Variants in ADGRV1 observed in about 807,000 individuals in gnomAD.
The protein encoded by ADGRV1 is G-protein coupled receptor 98.
In ADGRV1, 359 loss-of-function variants were observed where a neutral mutation model predicts 596.2. The observed-to-expected ratio is 0.60, with a 90% CI of 0.55 to 0.66. The LOEUF (loss-of-function observed/expected upper bound fraction) is 0.66, where lower values mean the gene tolerates loss of function less well. ADGRV1 is among the 30% of genes least tolerant of loss of function. The pLI, the probability that ADGRV1 is intolerant of heterozygous loss-of-function variation, is 0.00. For synonymous variants in ADGRV1, 2,681 were observed against 2,679.2 expected (o/e 1.00, Z -0.02); for missense variants, 7,274 against 7,575.6 (o/e 0.96, Z 1.48).
At chr5:90,778,403 T>C (rs756735085) in intron 62 of ADGRV1, 24 bp from the exon 63 acceptor site, 2 of 1,603,796 alleles carry the variant, frequency 1.2e-6, no homozygotes, top group Non-Finnish European at 1.7e-6. Context: ...ATTCTACTGT[T>C]GATGACTCTT....
chr5:90,895,918 C>T (rs1366990269), intron 83 of ADGRV1, among the ~76,000 whole-genome samples: 1 of 151,496 alleles, frequency 6.6e-6, no homozygotes, highest in African/African-American at 2.4e-5. Flanking sequence ...GAACAGTTGG[C>T]CTGAAAGTTG....
At chr5:90,794,260 A>G (rs935026210) in intron 70 of ADGRV1, among the ~76,000 whole-genome samples, 1 of 152,166 alleles carries the variant, frequency 6.6e-6, no homozygotes, top group Non-Finnish European at 1.5e-5. Context: ...CTAAGAACAA[A>G]AGAGTCTTGA....
rs1490980030 is a variant in ADGRV1 at position 90,965,435 on chromosome 5, A to T, written c.17877A>T (p.Ala5959=). 1 of 1,612,252 alleles carries T rather than the reference A, an allele frequency of 6.2e-7. No individual in the cohort carries two copies. The highest frequency in any genetic ancestry group is 8.5e-7 in the Non-Finnish European group (1 of 1,178,296). The change falls in exon 84 of 90, where the codon GCA becomes GCT. Residue 5959 remains alanine, a synonymous_variant. Coordinates refer to ENST00000405460, the MANE Select transcript of ADGRV1 (RefSeq NM_032119.4). ...LGTQILFLAS[A]YASPQLAEES... ...TACAGATTCTGTTTCTGGCGTCTGC[A>T]TACGCAAGTCCCCAACTCGCTGAGG...
intron 52 of ADGRV1, among the ~76,000 whole-genome samples, chr5:90,750,296 A>G (rs985644861): frequency 6.6e-6 from 1 of 152,246 alleles, no homozygotes; most frequent in Non-Finnish European, 1.5e-5. Context: ...TGAAAAATAT[A>G]GAAACAGAAA....
intron 74 of ADGRV1, among the ~76,000 whole-genome samples, chr5:90,812,847 G>A (rs910662355): frequency 6.6e-6 from 1 of 151,604 alleles, no homozygotes. Context: ...AAATTAATTT[G>A]GTAGCTGGGC....
intron 87 of ADGRV1, among the ~76,000 whole-genome samples, chr5:91,133,703 C>A (rs1456286424): frequency 6.6e-6 from 1 of 152,184 alleles, no homozygotes; most frequent in East Asian, 1.9e-4. Context: ...AATCACCTTT[C>A]CTCTTTCATG....
chr5:91,075,582 T>C (rs1337577803), intron 86 of ADGRV1, among the ~76,000 whole-genome samples: 5 of 152,188 alleles, frequency 3.3e-5, no homozygotes, highest in African/African-American at 9.7e-5. Context: ...TGCCCTATTG[T>C]TGTGTTACAA....
chr5:91,004,265 C>A (rs528714808), intron 85 of ADGRV1, among the ~76,000 whole-genome samples: 2 of 151,990 alleles, frequency 1.3e-5, no homozygotes, highest in Non-Finnish European at 2.9e-5. Flanking sequence ...ATGAGAGAAC[C>A]TGATGAACTG....
intron 86 of ADGRV1, among the ~76,000 whole-genome samples, chr5:91,093,915 G>A (rs1292877753): frequency 2.7e-5 from 4 of 149,746 alleles, no homozygotes; most frequent in Admixed American, 6.7e-5. Flanking sequence ...GCAGTGGTGC[G>A]ATCTCTGCTC....
chr5:90,673,271 C>T (rs932346687), intron 22 of ADGRV1, among the ~76,000 whole-genome samples: 1 of 152,142 alleles, frequency 6.6e-6, no homozygotes, highest in Non-Finnish European at 1.5e-5. Context: ...GATACATTGC[C>T]CTTGCTTCTT....
At chr5:90,712,206 A>G in intron 41 of ADGRV1, 81 bp from the exon 42 acceptor site, 1 of 783,570 alleles carries the variant, frequency 1.3e-6, no homozygotes, top group Non-Finnish European at 1.9e-6. Context: ...TCACAACTAT[A>G]TTGTATTTCT....
rs534616861 is a variant in ADGRV1 at position 91,071,866 on chromosome 5, G to A, written c.18153-581G>A. Among the ~76,000 whole-genome samples the A allele has an allele frequency of 1.3e-4, 20 of 151,940 alleles. 1 individual carries two copies. Among genetic ancestry groups the A allele is most frequent in the African/African-American group, 4.6e-4 (19 of 41,458 alleles). On this transcript the variant is annotated intron_variant, in intron 85 of 89. Coordinates refer to ENST00000405460, the MANE Select transcript of ADGRV1 (RefSeq NM_032119.4). The stretch of plus-strand genomic sequence containing the variant: ...ATTTTTTTGTATTTTTAGTAGAGAC[G>A]GGGCTTCACCATGTTGGCCAGGCTA...
At chr5:90,640,302 C>G (rs1254184160) in intron 11 of ADGRV1, among the ~76,000 whole-genome samples, 1 of 152,124 alleles carries the variant, frequency 6.6e-6, no homozygotes, top group Admixed American at 6.6e-5. Flanking sequence ...TTAAAAGGTG[C>G]AATGATATGG....
At chr5:90,899,137 C>T (rs1200090117) in intron 83 of ADGRV1, 1 of 152,104 alleles carries the variant, frequency 6.6e-6, no homozygotes, top group East Asian at 1.9e-4. Context: ...TATCACTTAG[C>T]TTCTGTAAAA....
chr5:90,686,084 T>G (rs1410692475), intron 29 of ADGRV1, 89 bp downstream of exon 29: 3 of 703,650 alleles, frequency 4.3e-6, no homozygotes, highest in Admixed American at 4.1e-5. Flanking sequence ...CTCTCAAAGT[T>G]GCAATTAGGA....
chr5:90,673,649 TCACGGTGGAAGGGG>T (rs1772815769), intron 22 of ADGRV1, among the ~76,000 whole-genome samples: 1 of 152,108 alleles, frequency 6.6e-6, no homozygotes, highest in South Asian at 2.1e-4. Flanking sequence ...TATGCCCTCC[TCACGGTGGAAGGGG>T]CAAACAAACT....
At chr5:90,776,786 T>G (rs940471917) in intron 61 of ADGRV1, among the ~76,000 whole-genome samples, 4 of 152,136 alleles carry the variant, frequency 2.6e-5, no homozygotes, top group African/African-American at 9.7e-5. Flanking sequence ...ATGAGAAGGT[T>G]TCTGACTCTT....
intron 85 of ADGRV1, among the ~76,000 whole-genome samples, chr5:91,046,629 C>T (rs898574935): frequency 2.0e-5 from 3 of 152,146 alleles, no homozygotes; most frequent in Admixed American, 6.6e-5. Context: ...TGACCAAGAA[C>T]CAAAAGCAAA....
At chr5:91,041,471 C>T (rs1785345519) in intron 85 of ADGRV1, among the ~76,000 whole-genome samples, 1 of 151,982 alleles carries the variant, frequency 6.6e-6, no homozygotes, top group Non-Finnish European at 1.5e-5. Flanking sequence ...GAACATCACA[C>T]ACTGGGGCCC....
Sources: allele counts gnomAD v4.1 joint callset (sites outside exome capture counted in the v4.1 genomes callset), GRCh38; gene constraint gnomAD v4.1.1; transcripts MANE v1.5; gene names NCBI Gene and HGNC (gene_info 2026-07-23, HGNC 2026-07-21).